RNF216: variants seen among roughly 807,000 people sequenced by gnomAD.
RNF216 encodes the protein ring finger protein 216, also known as E3 ubiquitin-protein ligase RNF216.
In RNF216, 72 loss-of-function variants were observed where a neutral mutation model predicts 110.8. The observed-to-expected ratio is 0.65, with a 90% CI of 0.54 to 0.79. The LOEUF (loss-of-function observed/expected upper bound fraction) is 0.79, where lower values mean the gene tolerates loss of function less well. RNF216 is among the 30% of genes least tolerant of loss of function. RNF216 has a pLI of 0.00. For missense variants in RNF216, 1,342 were observed against 1,141.2 expected (o/e 1.18, Z -2.54); for synonymous variants, 495 against 407.5 (o/e 1.21, Z -2.59).
At chr7:5,681,093 C>A (rs1584440221) in intron 13 of RNF216, among the ~76,000 whole-genome samples, 4 of 152,274 alleles carry the variant, frequency 2.6e-5, no homozygotes, top group Admixed American at 2.6e-4. Context: ...CTTACCTCAA[C>A]AGCTTGTCCC....
At chr7:5,768,402 T>G (rs1017070615) in intron 1 of RNF216, among the ~76,000 whole-genome samples, 3 of 54,760 alleles carry the variant, frequency 5.5e-5, no homozygotes, top group Non-Finnish European at 8.3e-5. Flanking sequence ...CAGCTTAAAT[T>G]GACAGACCTT....
At chr7:5,771,329 A>C (rs927644234) in intron 1 of RNF216, among the ~76,000 whole-genome samples, 1 of 152,200 alleles carries the variant, frequency 6.6e-6, no homozygotes, top group Admixed American at 6.5e-5. Context: ...AAATCTCCAC[A>C]ATCTTAGAGG....
chr7:5,716,305 T>C (rs997626298), intron 10 of RNF216, among the ~76,000 whole-genome samples: 2 of 150,618 alleles, frequency 1.3e-5, no homozygotes, highest in African/African-American at 2.4e-5. Flanking sequence ...AGGTCAGGAG[T>C]TCAAGACCAG....
chr7:5,700,116 G>T (rs527786181), intron 13 of RNF216, among the ~76,000 whole-genome samples: 1 of 152,266 alleles, frequency 6.6e-6, no homozygotes, highest in Non-Finnish European at 1.5e-5. Context: ...GGGACAGGGG[G>T]TGTTTTCATG....
rs1584333806 is a variant in RNF216 at position 5,627,961 on chromosome 7, C to A, written c.2383-3836G>T. On this transcript the variant is annotated intron_variant, in intron 15 of 16. Transcript: ENST00000389902. ...CTGAATAAATCCTATTTCAGAACTC[C>A]CTCAGAAGGGTCTGAGGCACCTGCA... 2.6e-5 allele frequency among the ~76,000 whole-genome samples: 4 copies of A among 152,134 alleles called. No individual in the cohort carries two copies. The East Asian group carries it at 7.7e-4, about 29-fold the overall frequency.
At chr7:5,763,007 C>G (rs1354464578) in intron 1 of RNF216, among the ~76,000 whole-genome samples, 1 of 152,078 alleles carries the variant, frequency 6.6e-6, no homozygotes, top group African/African-American at 2.4e-5. Flanking sequence ...AGCAATGGAA[C>G]AGAAACACAG....
chr7:5,705,828 A>G (rs1339308782), intron 13 of RNF216, among the ~76,000 whole-genome samples: 5 of 151,786 alleles, frequency 3.3e-5, no homozygotes, highest in East Asian at 1.9e-4. Context: ...AATTGCTTGA[A>G]CCTGGGAGGC....
At chr7:5,743,900 T>A (rs1794900478) in intron 3 of RNF216, among the ~76,000 whole-genome samples, 1 of 152,198 alleles carries the variant, frequency 6.6e-6, no homozygotes, top group Non-Finnish European at 1.5e-5. Flanking sequence ...CTGGTGCTCT[T>A]ACTCTTCTTC....
chr7:5,645,279 T>C (rs1285711274), intron 14 of RNF216, among the ~76,000 whole-genome samples: 3 of 152,330 alleles, frequency 2.0e-5, no homozygotes, highest in Middle Eastern at 3.4e-3. Context: ...TTGTTCTTCA[T>C]CAGATTTGGG....
At chr7:5,646,669 G>A (rs570617958) in intron 14 of RNF216, among the ~76,000 whole-genome samples, 1 of 151,684 alleles carries the variant, frequency 6.6e-6, no homozygotes, top group Non-Finnish European at 1.5e-5. Context: ...CTCCAGCCTG[G>A]CGACAGAGCG....
intron 13 of RNF216, among the ~76,000 whole-genome samples, chr7:5,673,424 A>T (rs1177976817): frequency 6.6e-6 from 1 of 152,200 alleles, no homozygotes; most frequent in African/African-American, 2.4e-5. Flanking sequence ...CTGGTTTGCG[A>T]GAAGAGAAGA....
chr7:5,770,464 A>G (rs1210584837), intron 1 of RNF216, among the ~76,000 whole-genome samples: 1 of 151,604 alleles, frequency 6.6e-6, no homozygotes, highest in Non-Finnish European at 1.5e-5. Context: ...TCCGTCTCAA[A>G]AAAAAAAAAA....
At chr7:5,658,300 A>T (rs964450114) in intron 13 of RNF216, among the ~76,000 whole-genome samples, 3 of 152,216 alleles carry the variant, frequency 2.0e-5, no homozygotes, top group African/African-American at 7.2e-5. Context: ...AAACATTCCA[A>T]CAATGAAACA....
intron 1 of RNF216, among the ~76,000 whole-genome samples, chr7:5,773,609 C>G (rs1399211039): frequency 2.0e-5 from 3 of 152,082 alleles, no homozygotes; most frequent in African/African-American, 7.2e-5. Flanking sequence ...GCTTTGTCAC[C>G]CAGGCTGGAG....
chr7:5,715,609 C>CG (rs3214426), intron 10 of RNF216, among the ~76,000 whole-genome samples: 124,310 of 152,014 alleles, frequency 0.82, 52,800 homozygotes, highest in Non-Finnish European at 0.92. Context: ...GTGAATGGGT[C>CG]TATCGAGGTC....
Position 5,685,864 on chromosome 7 carries a change from A to AT in RNF216, c.2061+25896dup, listed in dbSNP as rs768479669. Among the ~76,000 whole-genome samples, 4 of 152,352 alleles carry AT rather than the reference A, an allele frequency of 2.6e-5. No individual in the cohort carries two copies. The South Asian group carries it at 8.3e-4, about 32-fold the overall frequency. On this transcript the variant is annotated intron_variant, in intron 13 of 16. Transcript: ENST00000389902. ...TGGACAAAAGCAAAACATTTTCAGT[A>AT]TGTGAATTCTTTATATTTGGAGCAC...
At chr7:5,726,278 CA>C (rs1305701948) in intron 7 of RNF216, among the ~76,000 whole-genome samples, 1 of 151,960 alleles carries the variant, frequency 6.6e-6, no homozygotes, top group Non-Finnish European at 1.5e-5. Flanking sequence ...CTGTCTCAAA[CA>C]AAACAAAACT....
chr7:5,669,809 T>C (rs1288777549), intron 13 of RNF216, among the ~76,000 whole-genome samples: 1 of 152,062 alleles, frequency 6.6e-6, no homozygotes, highest in African/African-American at 2.4e-5. Context: ...GGAGAATTGC[T>C]AGAATCTGGG....
chr7:5,630,761 T>C (rs1036369820), intron 15 of RNF216, among the ~76,000 whole-genome samples: 5 of 152,228 alleles, frequency 3.3e-5, no homozygotes, highest in South Asian at 4.2e-4. Flanking sequence ...GAGATTACTA[T>C]GCACCAGCCC....
Sources: gnomAD v4.1 joint callset for allele counts (sites outside exome capture counted in the v4.1 genomes callset) on GRCh38, gnomAD v4.1.1 for gene constraint, MANE v1.5 for transcripts, NCBI Gene and HGNC (gene_info 2026-07-23, HGNC 2026-07-21) for gene names.